The following PPP2R2B variants were observed in gnomAD, a reference collection of about 807,000 sequenced individuals.
The protein encoded by PPP2R2B is protein phosphatase 2 regulatory subunit Bbeta.
A neutral mutation model predicts 46.0 loss-of-function variants in PPP2R2B; 5 were observed. The ratio of observed to expected loss-of-function variants is 0.11; its 90% CI spans 0.06 to 0.23. The LOEUF (loss-of-function observed/expected upper bound fraction) is 0.23. PPP2R2B is among the 10% of genes least tolerant of loss of function. The pLI is 1.00. For synonymous variants in PPP2R2B, 215 were observed against 206.7 expected (o/e 1.04, Z -0.34); for missense variants, 367 against 575.0 (o/e 0.64, Z 3.70).
At chr5:146,618,920 T>C (rs572523981) in intron 7 of PPP2R2B, among the ~76,000 whole-genome samples, 2 of 152,182 alleles carry the variant, frequency 1.3e-5, no homozygotes, top group South Asian at 4.1e-4. Context: ...TATTTGAATC[T>C]TCCCAAAGCA....
intron 7 of PPP2R2B, among the ~76,000 whole-genome samples, chr5:146,606,191 A>G (rs1772252009): frequency 6.6e-6 from 1 of 152,124 alleles, no homozygotes; most frequent in African/African-American, 2.4e-5. Flanking sequence ...GGGATAGGAG[A>G]AGAGAGAGAT....
intron 2 of PPP2R2B, among the ~76,000 whole-genome samples, chr5:147,075,802 C>T (rs1473336184): frequency 6.6e-6 from 1 of 152,098 alleles, no homozygotes; most frequent in Non-Finnish European, 1.5e-5. Flanking sequence ...TGCACCTTCT[C>T]CACTCTAATA....
At chr5:146,936,524 AAAAAG>A (rs1764147209) in intron 1 of PPP2R2B, among the ~76,000 whole-genome samples, 1 of 148,752 alleles carries the variant, frequency 6.7e-6, no homozygotes. Context: ...CAAAAAAAAA[AAAAAG>A]AAAAAACAAG....
chr5:146,875,711 T>C (rs1452949497), intron 2 of PPP2R2B, among the ~76,000 whole-genome samples: 1 of 152,100 alleles, frequency 6.6e-6, no homozygotes, highest in Non-Finnish European at 1.5e-5. Flanking sequence ...AAAAGCAAGA[T>C]CTATGGAAGG....
chr5:146,894,533 A>G (rs1762585617), intron 1 of PPP2R2B, among the ~76,000 whole-genome samples: 1 of 152,146 alleles, frequency 6.6e-6, no homozygotes, highest in Admixed American at 6.5e-5. Context: ...TTGACCTCAT[A>G]GGTTCAAGAA....
intron 2 of PPP2R2B, among the ~76,000 whole-genome samples, chr5:147,079,968 C>T (rs1459019567): frequency 6.6e-6 from 1 of 152,066 alleles, no homozygotes; most frequent in Non-Finnish European, 1.5e-5. Flanking sequence ...GCAATCGTAT[C>T]AATTTCTTTT....
chr5:146,699,663 T>TG (rs1404246770), intron 3 of PPP2R2B, among the ~76,000 whole-genome samples: 1 of 132,330 alleles, frequency 7.6e-6, no homozygotes, highest in Non-Finnish European at 1.7e-5. Flanking sequence ...CTTAATTGGT[T>TG]TTTTTTTTTT....
intron 2 of PPP2R2B, among the ~76,000 whole-genome samples, chr5:146,813,855 G>T (rs1757772656): frequency 6.6e-6 from 1 of 152,106 alleles, no homozygotes; most frequent in Non-Finnish European, 1.5e-5. Flanking sequence ...GGAATAAATG[G>T]GACAGAAACG....
At position 146,587,451 on chromosome 5, in the gene PPP2R2B, T is replaced by TG. The variant is rs2150991956; in HGVS notation, c.*2495dup. ...CTGGATCCCAGTTTGTACATCTATA[T>TG]GCTAAGGGTGTTGGACTAGTGTAGG... On this transcript the variant is annotated 3_prime_UTR_variant, in exon 10 of 10. Transcript: ENST00000394411. 6.6e-6 allele frequency: 1 copy of TG among 152,346 alleles called. No homozygotes were observed. Among genetic ancestry groups the TG allele is most frequent in the East Asian group, 1.9e-4 (1 of 5,186 alleles). 9.4% of individuals were successfully genotyped at this position (152,346 alleles called of 1,614,324 possible). A position where few individuals can be genotyped will look rare whatever the true frequency, so the allele number is the denominator to read the frequency against.
chr5:146,646,851 G>T (rs986118126), intron 6 of PPP2R2B, among the ~76,000 whole-genome samples: 28 of 152,122 alleles, frequency 1.8e-4, no homozygotes, highest in Non-Finnish European at 3.7e-4. Flanking sequence ...GTGTGCGTGC[G>T]TATGTGTGTG....
At chr5:146,928,851 T>C (rs994261524) in intron 1 of PPP2R2B, among the ~76,000 whole-genome samples, 3 of 152,220 alleles carry the variant, frequency 2.0e-5, no homozygotes, top group East Asian at 1.9e-4. Flanking sequence ...ATACTCTTCA[T>C]AGTCTGTCTT....
At chr5:146,848,882 T>C (rs759895835) in intron 2 of PPP2R2B, among the ~76,000 whole-genome samples, 11 of 152,210 alleles carry the variant, frequency 7.2e-5, no homozygotes, top group Non-Finnish European at 1.6e-4. Context: ...TATTTACTTA[T>C]ACCAGTATGA....
At chr5:147,074,208 T>A (rs1303945794) in intron 2 of PPP2R2B, among the ~76,000 whole-genome samples, 1 of 152,144 alleles carries the variant, frequency 6.6e-6, no homozygotes, top group African/African-American at 2.4e-5. Flanking sequence ...TTCAGTATCC[T>A]GCCTAAGGTC....
chr5:146,625,718 A>C (rs1023415124), intron 7 of PPP2R2B, among the ~76,000 whole-genome samples: 1 of 152,198 alleles, frequency 6.6e-6, no homozygotes, highest in African/African-American at 2.4e-5. Context: ...CAAAATCCTA[A>C]TGCCCGGAAC....
intron 1 of PPP2R2B, among the ~76,000 whole-genome samples, chr5:147,027,406 C>T (rs374670560): frequency 1.4e-4 from 21 of 152,092 alleles, no homozygotes; most frequent in Middle Eastern, 3.4e-3. Flanking sequence ...AGGCAGAGGC[C>T]GGCGGATCAT....
chr5:146,647,055 C>T (rs1322920045), intron 6 of PPP2R2B, among the ~76,000 whole-genome samples: 1 of 152,184 alleles, frequency 6.6e-6, no homozygotes, highest in Non-Finnish European at 1.5e-5. Context: ...GCCAAAGTCA[C>T]ACCAAATGCC....
chr5:146,829,800 CT>C (rs968613367), intron 2 of PPP2R2B, among the ~76,000 whole-genome samples: 3 of 151,960 alleles, frequency 2.0e-5, no homozygotes, highest in Non-Finnish European at 2.9e-5. Flanking sequence ...GTAGGAAGGA[CT>C]TTTTTTTAAG....
At chr5:146,832,668 G>A (rs1759032806) in intron 2 of PPP2R2B, among the ~76,000 whole-genome samples, 1 of 152,020 alleles carries the variant, frequency 6.6e-6, no homozygotes, top group African/African-American at 2.4e-5. Flanking sequence ...TGGGATTACA[G>A]GCATGAGCCA....
chr5:147,056,517 TAGAA>T (rs1456168213), upstream of PPP2R2B, among the ~76,000 whole-genome samples: 1 of 151,936 alleles, frequency 6.6e-6, no homozygotes, highest in African/African-American at 2.4e-5. Context: ...ACTCTCCAAA[TAGAA>T]AGCCACAACG....
Sources: allele counts gnomAD v4.1 joint callset (sites outside exome capture counted in the v4.1 genomes callset), GRCh38; gene constraint gnomAD v4.1.1; transcripts MANE v1.5; gene names NCBI Gene and HGNC (gene_info 2026-07-23, HGNC 2026-07-21).